Variants in GCNT1 observed in about 807,000 individuals in gnomAD.
GCNT1 encodes glucosaminyl (N-acetyl) transferase 1.
Under a neutral mutation model 26.2 loss-of-function variants are expected in GCNT1, and 16 were observed. The observed-to-expected ratio is 0.61, with a 90% CI of 0.41 to 0.93. The LOEUF is 0.93. GCNT1 is among the 40% of genes least tolerant of loss of function. The pLI is 0.00. For synonymous variants in GCNT1, 183 were observed against 190.8 expected, an observed-to-expected ratio of 0.96 and a Z score of 0.34; for missense variants, 477 against 526.7, an observed-to-expected ratio of 0.91 and a Z score of 0.92.
chr9:76,431,696 A>C (rs1366944159), intron 1 of GCNT1, among the ~76,000 whole-genome samples: 1 of 152,200 alleles, frequency 6.6e-6, no homozygotes, highest in African/African-American at 2.4e-5. Context: ...GGTCAGGCTG[A>C]TATCAAAGCG....
upstream of GCNT1, among the ~76,000 whole-genome samples, chr9:76,439,223 C>CTTTTTTTTTTTT (rs71499153): frequency 8.2e-4 from 98 of 120,068 alleles, 1 homozygote; most frequent in Non-Finnish European, 1.1e-3. Flanking sequence ...TTTTCTTTTT[C>CTTTTTTTTTTTT]TTTTTTTTTT....
chr9:76,445,967 G>A (rs539398828), intron 1 of GCNT1, among the ~76,000 whole-genome samples: 1 of 152,194 alleles, frequency 6.6e-6, no homozygotes, highest in East Asian at 1.9e-4. Context: ...CTGGGCAACA[G>A]AGCAAGACCC....
intron 2 of GCNT1, among the ~76,000 whole-genome samples, chr9:76,478,491 G>C (rs1587438924): frequency 6.6e-6 from 1 of 152,194 alleles, no homozygotes; most frequent in South Asian, 2.1e-4. Flanking sequence ...ATCTTTAAGA[G>C]CTGTAATACT....
At chr9:76,482,803 C>T (rs1440629622) in intron 2 of GCNT1, among the ~76,000 whole-genome samples, 1 of 130,456 alleles carries the variant, frequency 7.7e-6, no homozygotes, top group Non-Finnish European at 1.6e-5. Flanking sequence ...CGCCACCACA[C>T]CGGGCTAATT....
intron 1 of GCNT1, among the ~76,000 whole-genome samples, chr9:76,436,249 G>C (rs906922433): frequency 6.6e-5 from 10 of 152,040 alleles, no homozygotes; most frequent in Admixed American, 5.2e-4. Flanking sequence ...ATTAGGATAG[G>C]GTTGTCCAAA....
At chr9:76,447,151 C>CAAA (rs532132124) in intron 1 of GCNT1, among the ~76,000 whole-genome samples, 12 of 35,992 alleles carry the variant, frequency 3.3e-4, no homozygotes, top group East Asian at 2.1e-3. Flanking sequence ...AACCCTGTGT[C>CAAA]AAAAAAAAAA....
At chr9:76,497,236 T>G (rs1444953340) in intron 2 of GCNT1, among the ~76,000 whole-genome samples, 2 of 152,228 alleles carry the variant, frequency 1.3e-5, no homozygotes, top group Admixed American at 1.3e-4. Flanking sequence ...GTGTAATTTT[T>G]GGTAAAGTTG....
chr9:76,464,659 C>T (rs1217300270), intron 2 of GCNT1, among the ~76,000 whole-genome samples: 10 of 152,158 alleles, frequency 6.6e-5, no homozygotes, highest in Non-Finnish European at 1.3e-4. Context: ...GATCCTCCCA[C>T]TTCAGCCTCT....
At chr9:76,452,597 G>A (rs943296930) in intron 1 of GCNT1, among the ~76,000 whole-genome samples, 1 of 152,030 alleles carries the variant, frequency 6.6e-6, no homozygotes, top group Non-Finnish European at 1.5e-5. Context: ...GCTGGAGCAG[G>A]GGGAGGAGAG....
At position 76,500,653 on chromosome 9, in the gene GCNT1, T is replaced by G. The variant is rs7848484; in HGVS notation, c.-289-263T>G. ...CTGTTAAACTGTTCCTTGGTATACATTAAGGGAAATGCTGCTAGAGTTTTC... is the reference window on the plus strand; with the variant it reads ...CTGTTAAACTGTTCCTTGGTATACAGTAAGGGAAATGCTGCTAGAGTTTTC... On this transcript the variant is annotated intron_variant, in intron 2 of 3. Coordinates refer to ENST00000376730, the MANE Select transcript of GCNT1 (RefSeq NM_001490.5). Among the ~76,000 whole-genome samples, 688 of 152,316 alleles carry G rather than the reference T, an allele frequency of 4.5e-3. 3 individuals are homozygous for G. The highest frequency in any genetic ancestry group is 0.015 in the African/African-American group (632 of 41,562).
chr9:76,492,825 T>C (rs1824784888), intron 2 of GCNT1, among the ~76,000 whole-genome samples: 1 of 152,044 alleles, frequency 6.6e-6, no homozygotes, highest in South Asian at 2.1e-4. Flanking sequence ...GAGCCATGAC[T>C]AAGGCTGTGG....
chr9:76,436,015 G>T, intron 1 of GCNT1, among the ~76,000 whole-genome samples: 1 of 147,512 alleles, frequency 6.8e-6, no homozygotes, highest in East Asian at 2.0e-4. Context: ...GAGTGCAGTG[G>T]CACGATCTCG....
At chr9:76,444,675 A>C (rs1034488756) in intron 1 of GCNT1, among the ~76,000 whole-genome samples, 3 of 152,248 alleles carry the variant, frequency 2.0e-5, no homozygotes, top group African/African-American at 7.2e-5. Context: ...TGGAGACACC[A>C]GATACAGGCA....
chr9:76,458,624 T>A (rs1468419948), upstream of GCNT1, among the ~76,000 whole-genome samples: 2 of 152,202 alleles, frequency 1.3e-5, no homozygotes, highest in Admixed American at 1.3e-4. Context: ...GACACAAAGA[T>A]CTGTGCTATA....
At chr9:76,438,430 T>C (rs1353738666), upstream of GCNT1, among the ~76,000 whole-genome samples, 1 of 152,202 alleles carries the variant, frequency 6.6e-6, no homozygotes, top group Non-Finnish European at 1.5e-5. Flanking sequence ...AGCTTCTCAG[T>C]AGCAGACTTT....
At chr9:76,478,008 G>A (rs1824295183) in intron 2 of GCNT1, among the ~76,000 whole-genome samples, 1 of 152,116 alleles carries the variant, frequency 6.6e-6, no homozygotes, top group Non-Finnish European at 1.5e-5. Context: ...GCACCAATCA[G>A]CACTCTGTAA....
Position 76,504,582 on chromosome 9 carries a change from G to C in GCNT1, c.*914G>C, listed in dbSNP as rs1825184895. On this transcript the variant is annotated 3_prime_UTR_variant, in exon 4 of 4. Coordinates refer to ENST00000376730, the MANE Select transcript of GCNT1 (RefSeq NM_001490.5). ...AGACAGGATGATACAGGTTTGAGGG[G>C]CTGGGGAGTGGGAGGGGGGAGAAAA... The C allele has an allele frequency of 2.5e-6, 1 of 407,544 alleles. No homozygotes were observed. Among genetic ancestry groups the C allele is most frequent in the Admixed American group, 4.4e-5 (1 of 22,554 alleles). The allele number at this position is 407,544 out of a possible 1,614,324, so 25.2% of individuals were successfully genotyped here.
At chr9:76,468,639 G>A (rs973572376) in intron 2 of GCNT1, among the ~76,000 whole-genome samples, 10 of 152,298 alleles carry the variant, frequency 6.6e-5, no homozygotes, top group East Asian at 5.8e-4. Flanking sequence ...TGCCAGATAC[G>A]TAAGAGTGGT....
intron 2 of GCNT1, among the ~76,000 whole-genome samples, chr9:76,477,144 G>C (rs956989305): frequency 1.3e-5 from 2 of 151,292 alleles, no homozygotes; most frequent in Non-Finnish European, 2.9e-5. Flanking sequence ...CGAAATCCTT[G>C]CCTCATGTGA....
Sources: allele counts gnomAD v4.1 joint callset (sites outside exome capture counted in the v4.1 genomes callset), GRCh38; gene constraint gnomAD v4.1.1; transcripts MANE v1.5; gene names NCBI Gene and HGNC (gene_info 2026-07-23, HGNC 2026-07-21).